PDE1C: variants seen among roughly 807,000 people sequenced by gnomAD.
PDE1C encodes the protein dual specificity calcium/calmodulin-dependent 3',5'-cyclic nucleotide phosphodiesterase 1C.
Under a neutral mutation model 93.1 loss-of-function variants are expected in PDE1C, and 62 were observed. That is an observed-to-expected ratio of 0.67 (90% CI 0.54 to 0.82). The LOEUF is 0.82. Ranked by LOEUF, PDE1C falls within the 40% of genes least tolerant of loss-of-function variation. The pLI, the probability that PDE1C is intolerant of heterozygous loss-of-function variation, is 0.00. For synonymous variants in PDE1C, 325 were observed against 310.1 expected (o/e 1.05, Z -0.50); for missense variants, 742 against 884.6 (o/e 0.84, Z 2.04).
In PDE1C at chr7:32,173,898, C is replaced by A. The variant is rs112859326; in HGVS notation, c.137-3942G>T. 5.0e-4 allele frequency among the ~76,000 whole-genome samples: 76 copies of A among 152,310 alleles called. 1 individual carries two copies. The highest frequency in any genetic ancestry group is 1.7e-3 in the African/African-American group (69 of 41,556). ...ACAAGCAAGGACACCCATGGGTCAG[C>A]AAACAGCTCTTTCAATGCCCGTGCC... On this transcript the variant is annotated intron_variant, in intron 2 of 18. Coordinates refer to the PDE1C transcript ENST00000396193.
At chr7:31,971,936 C>A (rs1303930899) in intron 2 of PDE1C, among the ~76,000 whole-genome samples, 1 of 152,208 alleles carries the variant, frequency 6.6e-6, no homozygotes, top group Non-Finnish European at 1.5e-5. Flanking sequence ...TGTAACTAGT[C>A]TTGGGTGTCC....
rs149860697 is a variant in PDE1C at position 32,401,687 on chromosome 7, C to G, written c.310+26135G>C. Among the ~76,000 whole-genome samples, 7 of 152,324 alleles carry G rather than the reference C, an allele frequency of 4.6e-5. No individual in the cohort carries two copies. In the East Asian group the frequency reaches 1.3e-3, roughly 29 times the overall value. ...GTATGTGTCCCTCACCGAGGAGATTCTGTGCTCAAGCCTTAGCTAATTTTC... is the reference window on the plus strand; with the variant it reads ...GTATGTGTCCCTCACCGAGGAGATTGTGTGCTCAAGCCTTAGCTAATTTTC... On this transcript the variant is annotated intron_variant, in intron 1 of 1. Coordinates refer to the PDE1C transcript ENST00000672256.
At chr7:32,094,434 G>A (rs895438758) in intron 3 of PDE1C, among the ~76,000 whole-genome samples, 1 of 152,152 alleles carries the variant, frequency 6.6e-6, no homozygotes, top group Admixed American at 6.5e-5. Context: ...GTAGCGGAGG[G>A]TATGTGGATT....
intron 2 of PDE1C, among the ~76,000 whole-genome samples, chr7:31,924,791 A>C (rs1803128395): frequency 6.6e-6 from 1 of 152,176 alleles, no homozygotes; most frequent in East Asian, 1.9e-4. Context: ...CCAGAGGGAA[A>C]ACTGATGGAA....
chr7:31,908,971 A>G (rs530734648), intron 2 of PDE1C, among the ~76,000 whole-genome samples: 24 of 152,344 alleles, frequency 1.6e-4, no homozygotes, highest in African/African-American at 5.5e-4. Flanking sequence ...CTGCCTGTGG[A>G]CAGCATCTTC....
chr7:32,263,525 C>T (rs1338057178), intron 1 of PDE1C, among the ~76,000 whole-genome samples: 2 of 152,116 alleles, frequency 1.3e-5, no homozygotes, highest in Non-Finnish European at 2.9e-5. Context: ...CAATTATCAA[C>T]CTCTTATATT....
intron 1 of PDE1C, among the ~76,000 whole-genome samples, chr7:32,057,574 G>A (rs998101801): frequency 1.3e-5 from 2 of 152,136 alleles, no homozygotes; most frequent in East Asian, 1.9e-4. Context: ...AGCTCTCCAC[G>A]GCAGTGTCAT....
At chr7:32,081,681 T>C (rs577085598) in intron 3 of PDE1C, among the ~76,000 whole-genome samples, 1 of 152,144 alleles carries the variant, frequency 6.6e-6, no homozygotes, top group African/African-American at 2.4e-5. Flanking sequence ...AACAATGAGG[T>C]GGAATTAGTT....
At chr7:32,333,654 C>A (rs894845262) in intron 1 of PDE1C, among the ~76,000 whole-genome samples, 6 of 152,166 alleles carry the variant, frequency 3.9e-5, no homozygotes, top group South Asian at 2.1e-4. Context: ...ATTGATTTAG[C>A]CTCCTTGACT....
At chr7:31,816,911 G>A (rs776875357) in intron 14 of PDE1C, among the ~76,000 whole-genome samples, 8 of 152,080 alleles carry the variant, frequency 5.3e-5, no homozygotes, top group Non-Finnish European at 1.2e-4. Flanking sequence ...TTATAAAAGG[G>A]CTTGGCTCTG....
At chr7:32,015,295 T>TA (rs369811253) in intron 2 of PDE1C, among the ~76,000 whole-genome samples, 52,950 of 146,660 alleles carry the variant, frequency 0.36, 10,246 homozygotes, top group Middle Eastern at 0.46. Flanking sequence ...CAAATGAGTT[T>TA]AAAAAAAAAA....
chr7:32,008,412 T>C (rs566627749), intron 2 of PDE1C, among the ~76,000 whole-genome samples: 102 of 152,308 alleles, frequency 6.7e-4, no homozygotes, highest in African/African-American at 2.3e-3. Flanking sequence ...ACACATGTCT[T>C]CCTTGGGTAG....
intron 16 of PDE1C, among the ~76,000 whole-genome samples, chr7:31,804,536 A>G (rs1314428249): frequency 1.3e-5 from 2 of 151,840 alleles, no homozygotes. Flanking sequence ...ACCTATATGT[A>G]TTACACACAC....
At chr7:31,896,069 C>T (rs1490496143) in intron 2 of PDE1C, among the ~76,000 whole-genome samples, 1 of 151,838 alleles carries the variant, frequency 6.6e-6, no homozygotes, top group Non-Finnish European at 1.5e-5. Flanking sequence ...GCAGGGTGAG[C>T]TCATGAAGGT....
rs577931182 is a variant in PDE1C at position 32,343,040 on chromosome 7, T to C, written c.310+84782A>G. Among the ~76,000 whole-genome samples, 9 of 152,236 alleles carry C rather than the reference T, an allele frequency of 5.9e-5. 1 individual carries two copies. The East Asian group carries it at 1.4e-3, about 23-fold the overall frequency. On this transcript the variant is annotated intron_variant, in intron 1 of 1. Coordinates refer to the PDE1C transcript ENST00000672256. ...TGAAATAAGAAGGGCTCCTGTGAAATAGTTACTCCCGAGTGTTGCCAGTTG... is the reference window on the plus strand; with the variant it reads ...TGAAATAAGAAGGGCTCCTGTGAAACAGTTACTCCCGAGTGTTGCCAGTTG...
intron 2 of PDE1C, among the ~76,000 whole-genome samples, chr7:31,898,540 G>A (rs1269175037): frequency 1.3e-5 from 2 of 152,058 alleles, no homozygotes; most frequent in Non-Finnish European, 1.5e-5. Flanking sequence ...GGACATTTAG[G>A]TTGTTTCTGA....
At chr7:32,273,623 G>A (rs1811106709) in intron 1 of PDE1C, among the ~76,000 whole-genome samples, 1 of 152,138 alleles carries the variant, frequency 6.6e-6, no homozygotes, top group Non-Finnish European at 1.5e-5. Context: ...TGAGCATGGG[G>A]GTTTTCAGAA....
At position 32,292,126 on chromosome 7, in the gene PDE1C, T is replaced by C. The variant is rs542001614; in HGVS notation, c.85+6525A>G. Among the ~76,000 whole-genome samples, 17 of 152,370 alleles carry C rather than the reference T, an allele frequency of 1.1e-4. No homozygotes were observed. In the South Asian group the frequency reaches 3.1e-3, roughly 28 times the overall value. On this transcript the variant is annotated intron_variant, in intron 1 of 18. Transcript: ENST00000396193. Reference sequence around the variant, plus strand: ...TGTGCTAGAAGCTACAGTTTCATTATGACTTTCATGGGCCCTAGAAACTTT... The same window carrying C: ...TGTGCTAGAAGCTACAGTTTCATTACGACTTTCATGGGCCCTAGAAACTTT...
At chr7:32,190,924 G>A (rs1410621404) in intron 2 of PDE1C, among the ~76,000 whole-genome samples, 4 of 152,092 alleles carry the variant, frequency 2.6e-5, no homozygotes, top group African/African-American at 9.7e-5. Flanking sequence ...GGGTTTTCTT[G>A]GTGATCAGCA....
Sources: gnomAD v4.1 joint callset for allele counts (sites outside exome capture counted in the v4.1 genomes callset) on GRCh38, gnomAD v4.1.1 for gene constraint, MANE v1.5 for transcripts, NCBI Gene and HGNC (gene_info 2026-07-23, HGNC 2026-07-21) for gene names.